Variants in DNAH14 observed in about 807,000 individuals in gnomAD.
DNAH14 encodes the protein dynein axonemal heavy chain 14.
A neutral mutation model predicts 520.9 loss-of-function variants in DNAH14; 478 were observed. The observed-to-expected ratio is 0.92, with a 90% CI of 0.85 to 0.99. DNAH14 has a LOEUF of 0.99. Among genes scored for constraint, DNAH14 ranks in the 50% least tolerant of loss-of-function variants. The probability of loss-of-function intolerance (pLI) is 0.00; values close to 1 mark genes in which losing one functional copy is unlikely to be tolerated. For missense variants in DNAH14, 4,831 were observed against 5,234.5 expected, an observed-to-expected ratio of 0.92 and a Z score of 2.38; for synonymous variants, 1,581 against 1,757.2, an observed-to-expected ratio of 0.90 and a Z score of 2.51.
chr1:225,258,679 C>T (rs1048628289), intron 45 of DNAH14, among the ~76,000 whole-genome samples: 2 of 152,088 alleles, frequency 1.3e-5, no homozygotes, highest in African/African-American at 4.8e-5. Flanking sequence ...ACATACCTTG[C>T]CTCTAATTTT....
intron 21 of DNAH14, 101 bp downstream of exon 21, chr1:225,085,890 A>T: frequency 8.9e-7 from 1 of 1,126,328 alleles, no homozygotes; most frequent in East Asian, 2.9e-5. Context: ...TGTATAAATC[A>T]TTCATATACT....
chr1:225,065,349 A>G (rs1417632902), intron 17 of DNAH14, among the ~76,000 whole-genome samples: 5 of 151,868 alleles, frequency 3.3e-5, no homozygotes, highest in African/African-American at 1.2e-4. Context: ...CATTTTTATG[A>G]TAAAGACATT....
At chr1:225,340,422 G>T (rs1266412187) in intron 68 of DNAH14, 35 bp from the exon 69 acceptor site, 3 of 1,488,196 alleles carry the variant, frequency 2.0e-6, no homozygotes, top group Non-Finnish European at 2.7e-6. Context: ...TCTTCTACAT[G>T]TTCTTTGAAT....
In DNAH14 at chr1:225,318,509, T is replaced by C. The variant is rs892729926; in HGVS notation, c.9241-74T>C. 38 of 1,305,180 alleles carry C rather than the reference T, an allele frequency of 2.9e-5. No homozygotes were observed. In the African/African-American group the frequency reaches 4.8e-4, roughly 16 times the overall value. The allele number at this position is 1,305,180 out of a possible 1,614,324, so 80.8% of individuals were successfully genotyped here. On this transcript the variant is annotated intron_variant, in intron 60 of 85. Coordinates refer to ENST00000682510, the MANE Select transcript of DNAH14 (RefSeq NM_001367479.1). Reference sequence around the variant, plus strand: ...AAAATATCAAATTATATTTTCCAAGTTCAGCATACAAAAATTTTAAATATG... The same window carrying C: ...AAAATATCAAATTATATTTTCCAAGCTCAGCATACAAAAATTTTAAATATG...
chr1:225,097,281 T>A, intron 22 of DNAH14, 42 bp downstream of exon 22: 2 of 1,474,380 alleles, frequency 1.4e-6, no homozygotes, highest in Non-Finnish European at 9.1e-7. Flanking sequence ...TCAAAATGCA[T>A]TGTGAGTAAT....
intron 12 of DNAH14, among the ~76,000 whole-genome samples, 168 bp downstream of exon 12, chr1:225,038,991 A>G (rs1026530293): frequency 2.6e-5 from 4 of 152,090 alleles, no homozygotes; most frequent in African/African-American, 9.7e-5. Context: ...CCATATTGAC[A>G]CTTATCTCAT....
chr1:225,377,102 T>C (rs917506943), intron 78 of DNAH14, 135 bp from the exon 79 acceptor site: 1 of 695,008 alleles, frequency 1.4e-6, no homozygotes, highest in African/African-American at 1.8e-5. Context: ...AAGAAAGCCT[T>C]CGGTATAAAA....
intron 43 of DNAH14, among the ~76,000 whole-genome samples, chr1:225,244,852 G>T (rs895740548): frequency 6.6e-6 from 1 of 152,056 alleles, no homozygotes; most frequent in Non-Finnish European, 1.5e-5. Flanking sequence ...ATCTCCTTCA[G>T]TTCTGCTCTG....
intron 56 of DNAH14, among the ~76,000 whole-genome samples, chr1:225,301,987 T>A (rs532016069): frequency 1.9e-4 from 29 of 151,332 alleles, no homozygotes; most frequent in Admixed American, 9.9e-4. Context: ...TAGATTTGAA[T>A]AATAAAGAAG....
At chr1:225,379,008 G>A (rs759125345) in intron 79 of DNAH14, among the ~76,000 whole-genome samples, 2 of 152,106 alleles carry the variant, frequency 1.3e-5, no homozygotes, top group African/African-American at 2.4e-5. Context: ...CCACCTCCCG[G>A]GGCCCTGGTT....
At chr1:225,260,440 GAGTGC>G (rs1469957689) in intron 46 of DNAH14, among the ~76,000 whole-genome samples, 3 of 152,126 alleles carry the variant, frequency 2.0e-5, no homozygotes, top group African/African-American at 7.2e-5. Context: ...ATGAACACAG[GAGTGC>G]AGAATAGCCA....
intron 23 of DNAH14, among the ~76,000 whole-genome samples, chr1:225,106,554 A>G (rs1488707909): frequency 6.6e-6 from 1 of 152,110 alleles, no homozygotes; most frequent in Non-Finnish European, 1.5e-5. Flanking sequence ...ACATAGTCCC[A>G]TATTTCTTGG....
chr1:225,095,161 G>A (rs993455616), intron 21 of DNAH14, among the ~76,000 whole-genome samples: 7 of 152,062 alleles, frequency 4.6e-5, no homozygotes, highest in Admixed American at 4.6e-4. Flanking sequence ...ATACCCAAAG[G>A]AATATAAAAT....
intron 17 of DNAH14, among the ~76,000 whole-genome samples, chr1:225,058,283 A>G (rs1572759569): frequency 6.6e-6 from 1 of 152,124 alleles, no homozygotes; most frequent in East Asian, 1.9e-4. Flanking sequence ...CAAGGAATTT[A>G]TCCATTTCTT....
At chr1:224,988,012 A>G (rs1392962412) in intron 8 of DNAH14, among the ~76,000 whole-genome samples, 2 of 152,114 alleles carry the variant, frequency 1.3e-5, no homozygotes, top group Non-Finnish European at 2.9e-5. Context: ...CTAGGTATTA[A>G]GCCCAGCATG....
At position 225,050,317 on chromosome 1, in the gene DNAH14, C is replaced by T; in HGVS notation, c.2020C>T (p.Gln674Ter). 1 of 1,548,792 alleles carries T rather than the reference C, an allele frequency of 6.5e-7. No individual in the cohort carries two copies. The highest frequency in any genetic ancestry group is 1.4e-5 in the African/African-American group (1 of 73,054). The change falls in exon 16 of 86, where the codon CAG (glutamine) becomes TAG (stop). Residue 674 changes from glutamine (Q) to a stop codon, truncating the protein, a stop_gained. Coordinates refer to ENST00000682510, the MANE Select transcript of DNAH14 (RefSeq NM_001367479.1). LOFTEE classifies it high-confidence loss of function. The part of the protein sequence containing the change: ...KTGSIIHYKE[Q>*]TRWPDCHILF... ...AGGAAGCATAATACATTATAAAGAGCAGACCAGATGGCCAGATTGTCACAT... is the reference window on the plus strand; with the variant it reads ...AGGAAGCATAATACATTATAAAGAGTAGACCAGATGGCCAGATTGTCACAT...
Position 225,144,429 on chromosome 1 carries a change from A to T in DNAH14, c.4541A>T (p.Lys1514Met), listed in dbSNP as rs971960211. 3.2e-6 allele frequency: 5 copies of T among 1,551,376 alleles called. No individual in the cohort carries two copies. Among genetic ancestry groups the T allele is most frequent in the Non-Finnish European group, 4.4e-6 (5 of 1,146,872 alleles). ...HLQYKWNEKQ[K>M]LCYVSQGNAS... ...CAATATAAATGGAATGAAAAACAAA[A>T]GTTGTGCTATGTGTCTCAAGGAAAT... Residue 1514 changes from lysine to methionine, a missense_variant, in exon 29 of 86, where the codon AAG becomes ATG. Transcript: ENST00000682510.
At chr1:224,967,183 A>T (rs943351688) in intron 5 of DNAH14, among the ~76,000 whole-genome samples, 14 of 151,998 alleles carry the variant, frequency 9.2e-5, no homozygotes, top group Non-Finnish European at 1.9e-4. Context: ...TATATAGATA[A>T]TTTTTTCTGA....
chr1:225,353,807 A>C lies in DNAH14; in HGVS notation c.11538A>C (p.Glu3846Asp). ...EENTKPPEETELLNENKETCN... is the reference protein window; with the variant it reads ...EENTKPPEETDLLNENKETCN... ...CTTTCTCTAAATTATATCTAGCTGA[A>C]CTTTTGAATGAAAATAAAGAAACGT... Residue 3846 changes from glutamate (E) to aspartate (D), a missense_variant, in exon 73 of 86, where the codon GAA becomes GAC. Physicochemically the swap from Glu to Asp is conservative, Grantham distance 45. Coordinates refer to ENST00000682510, the MANE Select transcript of DNAH14 (RefSeq NM_001367479.1). 6.8e-7 allele frequency: 1 copy of C among 1,479,890 alleles called. No individual in the cohort carries two copies. The highest frequency in any genetic ancestry group is 9.2e-7 in the Non-Finnish European group (1 of 1,090,780). 91.7% of individuals were successfully genotyped at this position (1,479,890 alleles called of 1,614,324 possible).
Sources: gnomAD v4.1 joint callset for allele counts (sites outside exome capture counted in the v4.1 genomes callset) on GRCh38, gnomAD v4.1.1 for gene constraint, MANE v1.5 for transcripts, NCBI Gene and HGNC (gene_info 2026-07-23, HGNC 2026-07-21) for gene names.